The following CACNA1A variants were observed in gnomAD, a reference collection of about 807,000 sequenced individuals.
CACNA1A encodes the protein voltage-dependent P/Q-type calcium channel subunit alpha-1A.
Under a neutral mutation model 262.4 loss-of-function variants are expected in CACNA1A, and 57 were observed. The observed-to-expected ratio is 0.22, with a 90% CI of 0.18 to 0.27. The LOEUF (loss-of-function observed/expected upper bound fraction) is 0.27, where lower values mean the gene tolerates loss of function less well. Ranked by LOEUF, CACNA1A falls within the 10% of genes least tolerant of loss-of-function variation. The probability of loss-of-function intolerance (pLI) is 1.00; values close to 1 mark genes in which losing one functional copy is unlikely to be tolerated. For missense variants in CACNA1A, 2,526 were observed against 3,562.8 expected, an observed-to-expected ratio of 0.71 and a Z score of 7.41; for synonymous variants, 1,431 against 1,419.3, an observed-to-expected ratio of 1.01 and a Z score of -0.18.
chr19:13,424,325 T>C (rs534014094), intron 3 of CACNA1A, among the ~76,000 whole-genome samples: 8 of 152,196 alleles, frequency 5.3e-5, no homozygotes, highest in African/African-American at 1.9e-4. Context: ...GCCAAGATCA[T>C]GCCATTGCAC....
At chr19:13,227,238 C>T in intron 37 of CACNA1A, 193 bp downstream of exon 37, 1 of 362,974 alleles carries the variant, frequency 2.8e-6, no homozygotes, top group Non-Finnish European at 5.0e-6. Flanking sequence ...ACACAGTGTG[C>T]TGCTTAGAAT....
intron 10 of CACNA1A, among the ~76,000 whole-genome samples, chr19:13,325,196 C>CT (rs201773357): frequency 0.25 from 31,524 of 127,954 alleles, 4,775 homozygotes; most frequent in East Asian, 0.65. Context: ...TCTTCTTCTT[C>CT]TTTTTTTTTT....
intron 37 of CACNA1A, chr19:13,225,037 G>T: frequency 2.5e-6 from 1 of 404,002 alleles, no homozygotes; most frequent in Non-Finnish European, 4.6e-6. Context: ...GGCATTTCCA[G>T]GGTTTGCCTC....
At chr19:13,447,502 C>A (rs2144910288) in intron 3 of CACNA1A, among the ~76,000 whole-genome samples, 1 of 152,296 alleles carries the variant, frequency 6.6e-6, no homozygotes, top group Non-Finnish European at 1.5e-5. Context: ...AGGGACAAAA[C>A]TAACAGGATA....
chr19:13,212,043 C>G lies in CACNA1A; in HGVS notation c.6303+60G>C. The G allele has an allele frequency of 3.2e-6, 4 of 1,264,266 alleles. No homozygotes were observed. 78.3% of individuals were successfully genotyped at this position (1,264,266 alleles called of 1,614,324 possible). ...TGCACTGGGCTGCTTGTGGGGGGGC[C>G]TGGCCCTACCCAGTGCAGAGTGAGG... On this transcript the variant is annotated intron_variant, in intron 43 of 46. Transcript: ENST00000360228. This position sits in a 1 kb window ranked among gnomAD's most constrained non-coding sequence, Gnocchi z 5.6.
intron 23 of CACNA1A, 46 bp downstream of exon 23, chr19:13,277,023 T>TA (rs34471308): frequency 0.024 from 26,262 of 1,081,054 alleles, 2 homozygotes; most frequent in Non-Finnish European, 0.027. Context: ...TGCACTTGCT[T>TA]AAAAAAAAAA....
intron 3 of CACNA1A, among the ~76,000 whole-genome samples, chr19:13,415,475 T>A (rs947905684): frequency 1.3e-5 from 2 of 151,800 alleles, no homozygotes; most frequent in Non-Finnish European, 2.9e-5. Flanking sequence ...GCGTGGTGGC[T>A]CACACCTGTA....
intron 30 of CACNA1A, among the ~76,000 whole-genome samples, chr19:13,247,717 T>A (rs538270900): frequency 8.0e-5 from 12 of 150,328 alleles, no homozygotes; most frequent in African/African-American, 2.4e-4. Flanking sequence ...TAAATAAAAA[T>A]AAATAAATAA....
At chr19:13,349,174 C>T (rs4926276) in intron 6 of CACNA1A, among the ~76,000 whole-genome samples, 14,372 of 152,150 alleles carry the variant, frequency 0.094, 789 homozygotes, top group Admixed American at 0.17. Context: ...TGTGGGCCTC[C>T]GTTTCCTCAT....
chr19:13,425,405 G>A (rs1056892877), intron 3 of CACNA1A, among the ~76,000 whole-genome samples: 1 of 152,106 alleles, frequency 6.6e-6, no homozygotes, highest in East Asian at 1.9e-4. Flanking sequence ...GGGTACACAC[G>A]TGTTAGAAAG....
At chr19:13,407,290 G>A (rs1568615122) in intron 3 of CACNA1A, among the ~76,000 whole-genome samples, 3 of 152,178 alleles carry the variant, frequency 2.0e-5, no homozygotes, top group South Asian at 2.1e-4. Flanking sequence ...TCAGGGTGCC[G>A]CTACAGAGGC....
chr19:13,345,279 T>C (rs12610948), intron 6 of CACNA1A, among the ~76,000 whole-genome samples: 12,028 of 152,232 alleles, frequency 0.079, 821 homozygotes, highest in Admixed American at 0.18. Context: ...ATGATGTGCC[T>C]GGATCACACA....
chr19:13,300,951 TTTTG>T (rs971968712), intron 17 of CACNA1A, among the ~76,000 whole-genome samples: 5 of 151,220 alleles, frequency 3.3e-5, no homozygotes, highest in South Asian at 2.1e-4. Flanking sequence ...TTTTTTTTTC[TTTTG>T]TTTGTTTTCA....
intron 3 of CACNA1A, among the ~76,000 whole-genome samples, chr19:13,387,115 C>T (rs2059628836): frequency 2.0e-5 from 3 of 152,180 alleles, no homozygotes; most frequent in South Asian, 2.1e-4. Flanking sequence ...CCACGCCTGG[C>T]TAATTTTTGT....
intron 3 of CACNA1A, among the ~76,000 whole-genome samples, chr19:13,434,003 A>G (rs1003942926): frequency 6.6e-6 from 1 of 152,178 alleles, no homozygotes; most frequent in African/African-American, 2.4e-5. Context: ...ACCACTTCCT[A>G]GCCGTGTGGC....
At chr19:13,386,367 C>T (rs901860906) in intron 3 of CACNA1A, among the ~76,000 whole-genome samples, 3 of 152,146 alleles carry the variant, frequency 2.0e-5, no homozygotes, top group Non-Finnish European at 2.9e-5. Flanking sequence ...CTGCTGGGTG[C>T]TTCTGGAAAA....
At chr19:13,471,986 AG>A (rs1978285826) in intron 1 of CACNA1A, among the ~76,000 whole-genome samples, 1 of 152,216 alleles carries the variant, frequency 6.6e-6, no homozygotes, top group Non-Finnish European at 1.5e-5. Context: ...TTATTGAGAC[AG>A]GATCTCACTC....
intron 3 of CACNA1A, among the ~76,000 whole-genome samples, chr19:13,392,987 T>C (rs2059736461): frequency 6.6e-6 from 1 of 152,204 alleles, no homozygotes; most frequent in Non-Finnish European, 1.5e-5. Context: ...CAGGCTGGTC[T>C]CGAACTCCTG....
At chr19:13,234,761 TAC>T in intron 34 of CACNA1A, 158 bp downstream of exon 34, 1 of 577,756 alleles carries the variant, frequency 1.7e-6, no homozygotes. Context: ...GCACGCCCCC[TAC>T]CGGAAAAGAA....
Sources: gnomAD v4.1 joint callset for allele counts (sites outside exome capture counted in the v4.1 genomes callset) on GRCh38, gnomAD v4.1.1 for gene constraint, Gnocchi (gnomAD v3.1) non-coding constraint, MANE v1.5 for transcripts, NCBI Gene and HGNC (gene_info 2026-07-23, HGNC 2026-07-21) for gene names.